Variants in EMSY observed in about 807,000 individuals in gnomAD.
The protein encoded by EMSY is EMSY transcriptional repressor, BRCA2 interacting.
EMSY carries 26 observed loss-of-function variants against 134.6 expected under a neutral mutation model. The observed-to-expected ratio is 0.19, with a 90% confidence interval of 0.14 to 0.27. The LOEUF (loss-of-function observed/expected upper bound fraction) is 0.27. Ranked by LOEUF, EMSY falls within the 10% of genes least tolerant of loss-of-function variation. The probability of loss-of-function intolerance (pLI) is 1.00; values close to 1 mark genes in which losing one functional copy is unlikely to be tolerated. For missense variants in EMSY, 1,305 were observed against 1,611.4 expected, an observed-to-expected ratio of 0.81 and a Z score of 3.26; for synonymous variants, 579 against 577.8, an observed-to-expected ratio of 1.00 and a Z score of -0.03.
At chr11:76,531,357 G>GT (rs1184376949) in intron 14 of EMSY, among the ~76,000 whole-genome samples, 19 of 152,258 alleles carry the variant, frequency 1.2e-4, no homozygotes, top group Admixed American at 5.2e-4. Context: ...AACTGTTGTG[G>GT]TTTTTTAATT....
intron 15 of EMSY, among the ~76,000 whole-genome samples, chr11:76,536,490 A>G (rs1951229045): frequency 6.6e-6 from 1 of 152,218 alleles, no homozygotes; most frequent in African/African-American, 2.4e-5. Flanking sequence ...GTGGAGCACA[A>G]AACACCTTTA....
At chr11:76,547,599 C>T (rs1464679986) in intron 20 of EMSY, among the ~76,000 whole-genome samples, 1 of 152,176 alleles carries the variant, frequency 6.6e-6, no homozygotes, top group Non-Finnish European at 1.5e-5. Flanking sequence ...GCCTACTTTA[C>T]AGGATTGATA....
intron 10 of EMSY, among the ~76,000 whole-genome samples, chr11:76,513,781 T>C (rs901388055): frequency 3.3e-5 from 5 of 152,164 alleles, no homozygotes; most frequent in Admixed American, 1.3e-4. Flanking sequence ...TCTAGTTGTA[T>C]ATTGATTTGT....
At chr11:76,537,414 A>C (rs1159995154) in intron 15 of EMSY, among the ~76,000 whole-genome samples, 2 of 152,184 alleles carry the variant, frequency 1.3e-5, no homozygotes, top group East Asian at 1.9e-4. Flanking sequence ...AGAGCAAATC[A>C]TGTTATGTAC....
At chr11:76,452,062 G>A in intron 3 of EMSY, 105 bp downstream of exon 3, 4 of 685,340 alleles carry the variant, frequency 5.8e-6, no homozygotes, top group Non-Finnish European at 4.5e-6. Flanking sequence ...TTGAAGAACA[G>A]AGGTGTTCAA....
intron 11 of EMSY, among the ~76,000 whole-genome samples, chr11:76,521,976 G>A (rs1950653934): frequency 6.6e-6 from 1 of 151,886 alleles, no homozygotes; most frequent in Non-Finnish European, 1.5e-5. Context: ...ATGAGCTGTG[G>A]TTGCTCCACT....
chr11:76,511,725 A>G (rs1476946523), intron 9 of EMSY, among the ~76,000 whole-genome samples: 1 of 152,176 alleles, frequency 6.6e-6, no homozygotes, highest in African/African-American at 2.4e-5. Flanking sequence ...TAAAATAATA[A>G]TAACTGTAAT....
At chr11:76,496,866 A>T (rs547399555) in intron 9 of EMSY, 1 of 298,548 alleles carries the variant, frequency 3.3e-6, no homozygotes, top group Non-Finnish European at 6.4e-6. Flanking sequence ...CTTTCCAATC[A>T]ATTGCTGTTT....
intron 11 of EMSY, chr11:76,516,750 T>A (rs537435286): frequency 3.3e-5 from 5 of 152,470 alleles, no homozygotes; most frequent in African/African-American, 1.2e-4. Flanking sequence ...AGAACTCTTA[T>A]TTGTTCTGAA....
chr11:76,511,010 A>G (rs182243950), intron 9 of EMSY, among the ~76,000 whole-genome samples: 3 of 152,204 alleles, frequency 2.0e-5, no homozygotes, highest in East Asian at 1.9e-4. Flanking sequence ...GACCCTTTCA[A>G]TGGTGGTTTT....
rs569831521 is a variant in EMSY at position 76,477,738 on chromosome 11, G to A, written c.1108+4898G>A. ...CATCTTCCTTTTTCCTCCAGATTTT[G>A]TACTTAACAGACTAGAAGCTGTAAT... On this transcript the variant is annotated intron_variant, in intron 8 of 20. Transcript: ENST00000334736. 2.2e-4 allele frequency among the ~76,000 whole-genome samples: 33 copies of A among 152,162 alleles called. No individual in the cohort carries two copies. In the South Asian group the frequency reaches 6.8e-3, roughly 32 times the overall value.
intron 14 of EMSY, among the ~76,000 whole-genome samples, chr11:76,528,977 C>T (rs1950941354): frequency 1.3e-5 from 2 of 152,078 alleles, no homozygotes; most frequent in Admixed American, 6.5e-5. Flanking sequence ...TAAAGTACTC[C>T]CTTTCACTCT....
At chr11:76,499,064 C>T (rs1002670465) in intron 9 of EMSY, among the ~76,000 whole-genome samples, 4 of 152,034 alleles carry the variant, frequency 2.6e-5, no homozygotes, top group Non-Finnish European at 4.4e-5. Flanking sequence ...TGGGTTTAAG[C>T]GAGTCTCCTG....
At chr11:76,539,270 C>T (rs1951343299) in intron 16 of EMSY, among the ~76,000 whole-genome samples, 1 of 152,060 alleles carries the variant, frequency 6.6e-6, no homozygotes, top group Admixed American at 6.6e-5. Flanking sequence ...TAGAGGACTC[C>T]TTTCTTAAGT....
chr11:76,466,619 G>A lies in EMSY; in HGVS notation c.831+2539G>A, dbSNP rs771348673. On this transcript the variant is annotated intron_variant, in intron 7 of 20. Transcript: ENST00000334736. ...TAACTTCCCCTTAAAGAACCTCCTCGAGTTTCTTGCAAAGATGTCACTATA... is the reference window on the plus strand; with the variant it reads ...TAACTTCCCCTTAAAGAACCTCCTCAAGTTTCTTGCAAAGATGTCACTATA... Among the ~76,000 whole-genome samples the A allele has an allele frequency of 1.1e-4, 16 of 152,146 alleles. No homozygotes were observed. In the East Asian group the frequency reaches 1.9e-3, roughly 18 times the overall value.
At chr11:76,489,315 C>CTTTTTTTTTTTTTTTTT (rs57048007) in intron 8 of EMSY, among the ~76,000 whole-genome samples, 2 of 128,172 alleles carry the variant, frequency 1.6e-5, no homozygotes, top group African/African-American at 2.9e-5. Flanking sequence ...TTCTTGTTTT[C>CTTTTTTTTTTTTTTTTT]TTTTTTTTTT....
chr11:76,466,982 T>C (rs987258002), intron 7 of EMSY, among the ~76,000 whole-genome samples: 1 of 152,164 alleles, frequency 6.6e-6, no homozygotes, highest in Non-Finnish European at 1.5e-5. Flanking sequence ...TTTTATGGAG[T>C]GTAGAGTTTT....
At chr11:76,549,513 AT>A (rs1371141223) in intron 20 of EMSY, among the ~76,000 whole-genome samples, 1 of 151,998 alleles carries the variant, frequency 6.6e-6, no homozygotes, top group African/African-American at 2.4e-5. Context: ...TTACATTTAC[AT>A]TTGCTTAATA....
intron 10 of EMSY, 112 bp downstream of exon 11, chr11:76,513,647 T>C (rs938544500): frequency 1.8e-5 from 21 of 1,157,358 alleles, no homozygotes; most frequent in Non-Finnish European, 2.5e-5. Flanking sequence ...GGACAGTTTT[T>C]CAAAGAGGCC....
Sources: allele counts gnomAD v4.1 joint callset (sites outside exome capture counted in the v4.1 genomes callset), GRCh38; gene constraint gnomAD v4.1.1; transcripts MANE v1.5; gene names NCBI Gene and HGNC (gene_info 2026-07-23, HGNC 2026-07-21).